MBNL1: variants seen among roughly 807,000 people sequenced by gnomAD.
MBNL1 encodes muscleblind like splicing regulator 1, also known as muscleblind-like protein 1.
In MBNL1, 8 loss-of-function variants were observed where a neutral mutation model predicts 42.2. The observed-to-expected ratio is 0.19, with a 90% CI of 0.11 to 0.34. The LOEUF (loss-of-function observed/expected upper bound fraction) is 0.34. MBNL1 is among the 10% of genes least tolerant of loss of function. The pLI is 1.00. For synonymous variants in MBNL1, 169 were observed against 173.9 expected, an observed-to-expected ratio of 0.97 and a Z score of 0.22; for missense variants, 309 against 495.3, an observed-to-expected ratio of 0.62 and a Z score of 3.57.
intron 4 of MBNL1, among the ~76,000 whole-genome samples, chr3:152,433,226 AG>A (rs1194063408): frequency 1.3e-5 from 2 of 152,164 alleles, no homozygotes; most frequent in Non-Finnish European, 2.9e-5. Context: ...TCAAAGAGTT[AG>A]GGGAATATCT....
At chr3:152,393,147 C>T (rs151158960) in intron 2 of MBNL1, among the ~76,000 whole-genome samples, 3,378 of 152,286 alleles carry the variant, frequency 0.022, 58 homozygotes, top group Admixed American at 0.039. Context: ...TCCTTGACTT[C>T]TGTCATTCCT....
chr3:152,443,251 T>A (rs1015508441), intron 4 of MBNL1, among the ~76,000 whole-genome samples: 1 of 148,676 alleles, frequency 6.7e-6, no homozygotes, highest in Non-Finnish European at 1.5e-5. Flanking sequence ...GTCTTCTTTC[T>A]TGTTAATGCG....
chr3:152,335,301 C>A, intron 2 of MBNL1: 1 of 1,264,500 alleles, frequency 7.9e-7, no homozygotes, highest in Non-Finnish European at 1.0e-6. Context: ...CGCTCAAGGC[C>A]TGAGATGACA....
intron 2 of MBNL1, among the ~76,000 whole-genome samples, chr3:152,406,774 A>G (rs1053185427): frequency 2.6e-5 from 4 of 152,170 alleles, no homozygotes; most frequent in Admixed American, 2.0e-4. Context: ...CTTCACCATT[A>G]AACTTAGGAG....
At chr3:152,440,900 C>A (rs2099137452) in intron 4 of MBNL1, among the ~76,000 whole-genome samples, 1 of 152,044 alleles carries the variant, frequency 6.6e-6, no homozygotes. Flanking sequence ...CTTGTTAGTT[C>A]CAGCTTAATA....
intron 2 of MBNL1, chr3:152,340,898 T>C (rs1376875671): frequency 2.5e-6 from 4 of 1,606,846 alleles, no homozygotes; most frequent in Admixed American, 1.7e-5. Context: ...CCAGGGTCCA[T>C]CTGCATTGTT....
At chr3:152,444,546 G>C (rs1209859714) in intron 4 of MBNL1, among the ~76,000 whole-genome samples, 1 of 152,106 alleles carries the variant, frequency 6.6e-6, no homozygotes, top group African/African-American at 2.4e-5. Context: ...TTGCAAAAAT[G>C]GACCCAAGAG....
intron 2 of MBNL1, among the ~76,000 whole-genome samples, chr3:152,399,518 A>G (rs530291292): frequency 6.8e-6 from 1 of 147,076 alleles, no homozygotes; most frequent in South Asian, 2.2e-4. Context: ...TTAATTAATT[A>G]TTTTTTTTTT....
chr3:152,281,951 G>T lies in MBNL1; in HGVS notation c.-790+12859G>T, dbSNP rs183122101. Among the ~76,000 whole-genome samples, 1,238 of 151,590 alleles carry T rather than the reference G, an allele frequency of 8.2e-3. 22 individuals carry two copies. Among genetic ancestry groups the T allele is most frequent in the Non-Finnish European group, 7.0e-3 (477 of 67,920 alleles). ...TCCTTAATAATTAGAGCATGTCCAT[G>T]TGTGTATGTGTGCATGTTTTTGTGT... On this transcript the variant is annotated intron_variant, in intron 1 of 9. Transcript: ENST00000324210.
At chr3:152,417,350 G>T (rs1316515754) in intron 3 of MBNL1, among the ~76,000 whole-genome samples, 1 of 152,180 alleles carries the variant, frequency 6.6e-6, no homozygotes, top group Non-Finnish European at 1.5e-5. Flanking sequence ...GAAAAGGGTT[G>T]CCACTCAGAG....
chr3:152,272,039 T>TTCTCTCTCTC (rs139763690), intron 1 of MBNL1, among the ~76,000 whole-genome samples: 1 of 147,796 alleles, frequency 6.8e-6, no homozygotes, highest in African/African-American at 2.5e-5. Flanking sequence ...CCTGTTTCTT[T>TTCTCTCTCTC]TCTCTCTCTC....
chr3:152,326,778 A>ATTGTTTAT (rs1553828480), intron 2 of MBNL1, among the ~76,000 whole-genome samples: 5 of 141,964 alleles, frequency 3.5e-5, no homozygotes, highest in South Asian at 2.3e-4. Flanking sequence ...CCTTGGGAAA[A>ATTGTTTAT]TTATTTATTT....
intron 6 of MBNL1, among the ~76,000 whole-genome samples, chr3:152,450,488 C>T (rs1720502361): frequency 6.6e-6 from 1 of 152,248 alleles, no homozygotes; most frequent in East Asian, 1.9e-4. Context: ...AGGGGCCAGG[C>T]AGGAAACACA....
chr3:152,305,953 C>T (rs905926261), intron 2 of MBNL1, among the ~76,000 whole-genome samples: 2 of 152,062 alleles, frequency 1.3e-5, no homozygotes, highest in Admixed American at 6.6e-5. Context: ...TTTTTGCTAG[C>T]GATAAAACTT....
In MBNL1 at chr3:152,299,503, A is replaced by G. The variant is rs1402787206; in HGVS notation, c.-691A>G. On this transcript the variant is annotated 5_prime_UTR_variant, in exon 2 of 10. Coordinates refer to ENST00000324210, the MANE Select transcript of MBNL1 (RefSeq NM_021038.5). ...CTTGCTTGCTGCCAGCTAGACTGTG[A>G]CGACAGCACATCCACCCTCCACCTC... The G allele has an allele frequency of 7.7e-6, 3 of 389,914 alleles. No individual in the cohort carries two copies. The highest frequency in any genetic ancestry group is 6.2e-5 in the African/African-American group (3 of 48,384). The allele number at this position is 389,914 out of a possible 1,614,324, so 24.2% of individuals were successfully genotyped here. A position where few individuals can be genotyped will look rare whatever the true frequency, so the allele number is the denominator to read the frequency against.
At chr3:152,338,947 A>C (rs1414296305) in intron 2 of MBNL1, among the ~76,000 whole-genome samples, 1 of 152,182 alleles carries the variant, frequency 6.6e-6, no homozygotes, top group Non-Finnish European at 1.5e-5. Context: ...ACTTTTTCAC[A>C]ATCTGCATTG....
chr3:152,271,178 T>C (rs1034455428), intron 1 of MBNL1, among the ~76,000 whole-genome samples: 9 of 152,210 alleles, frequency 5.9e-5, no homozygotes, highest in African/African-American at 2.2e-4. Context: ...TTTCCACATT[T>C]GAGGCAAAGT....
At chr3:152,289,029 A>G (rs1270161537) in intron 1 of MBNL1, among the ~76,000 whole-genome samples, 2 of 152,200 alleles carry the variant, frequency 1.3e-5, no homozygotes, top group South Asian at 2.1e-4. Flanking sequence ...CTTAACAAAT[A>G]TAGAAAAATA....
chr3:152,274,104 A>C (rs1200316319), intron 1 of MBNL1, among the ~76,000 whole-genome samples: 2 of 152,184 alleles, frequency 1.3e-5, no homozygotes, highest in Non-Finnish European at 2.9e-5. Context: ...TCTCCAAAGT[A>C]GTTTTCCAAA....
Sources: gnomAD v4.1 joint callset for allele counts (sites outside exome capture counted in the v4.1 genomes callset) on GRCh38, gnomAD v4.1.1 for gene constraint, MANE v1.5 for transcripts, NCBI Gene and HGNC (gene_info 2026-07-23, HGNC 2026-07-21) for gene names.